PSD3: variants seen among roughly 807,000 people sequenced by gnomAD.
The protein encoded by PSD3 is pleckstrin and Sec7 domain containing 3.
PSD3 carries 49 observed loss-of-function variants against 105.5 expected under a neutral mutation model. The ratio of observed to expected loss-of-function variants is 0.46; its 90% CI spans 0.37 to 0.59. The LOEUF (loss-of-function observed/expected upper bound fraction) is 0.59, where lower values mean the gene tolerates loss of function less well. Among genes scored for constraint, PSD3 ranks in the 20% least tolerant of loss-of-function variants. PSD3 has a pLI of 0.00. For missense variants in PSD3, 1,561 were observed against 1,263.8 expected, an observed-to-expected ratio of 1.24 and a Z score of -3.57; for synonymous variants, 557 against 457.8, an observed-to-expected ratio of 1.22 and a Z score of -2.77.
chr8:18,813,049 G>C (rs916218699), intron 4 of PSD3, among the ~76,000 whole-genome samples: 3 of 152,174 alleles, frequency 2.0e-5, no homozygotes, highest in East Asian at 1.9e-4. Context: ...GTACAGTCAA[G>C]AGATGAGAAA....
chr8:18,910,552 G>T (rs1186802274), intron 2 of PSD3, among the ~76,000 whole-genome samples: 2 of 123,442 alleles, frequency 1.6e-5, no homozygotes, highest in African/African-American at 3.1e-5. Flanking sequence ...ACACATTAGT[G>T]GGTGCAGCGC....
intron 4 of PSD3, among the ~76,000 whole-genome samples, chr8:18,832,080 A>C (rs1813723679): frequency 6.6e-6 from 1 of 152,120 alleles, no homozygotes; most frequent in Admixed American, 6.5e-5. Flanking sequence ...TTTTATGTAC[A>C]TTCCTGTGTT....
At chr8:19,026,503 T>A (rs1051938973) in intron 1 of PSD3, among the ~76,000 whole-genome samples, 1 of 151,972 alleles carries the variant, frequency 6.6e-6, no homozygotes, top group African/African-American at 2.4e-5. Context: ...AACACTTTAT[T>A]TATATATTTA....
intron 1 of PSD3, among the ~76,000 whole-genome samples, chr8:19,068,222 C>G (rs1334378233): frequency 6.9e-6 from 1 of 143,904 alleles, no homozygotes; most frequent in African/African-American, 2.4e-5. Flanking sequence ...ATGGGGGAAG[C>G]TAAGGCTGAG....
chr8:18,880,770 C>A (rs959599100), intron 2 of PSD3, among the ~76,000 whole-genome samples: 1 of 152,184 alleles, frequency 6.6e-6, no homozygotes, highest in African/African-American at 2.4e-5. Flanking sequence ...TCCCCTCCAG[C>A]GAGCCTTCCT....
At chr8:18,908,311 T>C (rs1364959890) in intron 2 of PSD3, among the ~76,000 whole-genome samples, 1 of 152,170 alleles carries the variant, frequency 6.6e-6, no homozygotes, top group Non-Finnish European at 1.5e-5. Context: ...ATTTTTTGGA[T>C]TAATATTTAA....
intron 14 of PSD3, among the ~76,000 whole-genome samples, chr8:18,558,166 T>C (rs969941780): frequency 3.9e-5 from 6 of 152,214 alleles, no homozygotes; most frequent in African/African-American, 9.6e-5. Context: ...ACCCAATCTA[T>C]AGTGTTTTGT....
intron 15 of PSD3, among the ~76,000 whole-genome samples, chr8:18,536,332 C>G (rs574552893): frequency 7.9e-5 from 12 of 152,244 alleles, no homozygotes; most frequent in African/African-American, 2.9e-4. Context: ...TGGCTCTGTA[C>G]CAAAGTCACC....
At chr8:19,005,218 T>C (rs1826616619) in intron 1 of PSD3, among the ~76,000 whole-genome samples, 2 of 151,996 alleles carry the variant, frequency 1.3e-5, no homozygotes, top group Non-Finnish European at 2.9e-5. Context: ...GATGAACGGA[T>C]AAATAAAATG....
chr8:19,012,704 T>C (rs1827010178), intron 1 of PSD3, among the ~76,000 whole-genome samples: 2 of 152,224 alleles, frequency 1.3e-5, no homozygotes, highest in African/African-American at 4.8e-5. Flanking sequence ...CCTTTGCACA[T>C]ACTCAATTAC....
chr8:18,769,172 G>A (rs1203670541), intron 8 of PSD3, among the ~76,000 whole-genome samples: 1 of 152,176 alleles, frequency 6.6e-6, no homozygotes, highest in African/African-American at 2.4e-5. Flanking sequence ...GTTCTGGGGA[G>A]ATGAATAAAT....
intron 4 of PSD3, among the ~76,000 whole-genome samples, chr8:18,814,188 C>T (rs1205556096): frequency 6.6e-6 from 1 of 152,222 alleles, no homozygotes; most frequent in Non-Finnish European, 1.5e-5. Context: ...GCACAGAAGA[C>T]AAAATTCAGT....
At chr8:18,762,691 C>G (rs1806640756) in intron 9 of PSD3, among the ~76,000 whole-genome samples, 1 of 152,106 alleles carries the variant, frequency 6.6e-6, no homozygotes, top group Non-Finnish European at 1.5e-5. Context: ...GAATTTTAAA[C>G]TAAAAAAAGG....
rs1223776657 is a variant in PSD3 at position 19,084,312 on chromosome 8, G to T, written c.218C>A (p.Ala73Asp). Residue 73 changes from alanine (A) to aspartate (D), a missense_variant, in exon 1 of 2, where the codon GCC (alanine) becomes GAC (aspartate). Transcript: ENST00000521475. ...TGTCGCCTGCGCTGTGGTACCTGTGGCCTCCTTACAGCTCCTGGGGAGTAT... is the reference window on the plus strand; with the variant it reads ...TGTCGCCTGCGCTGTGGTACCTGTGTCCTCCTTACAGCTCCTGGGGAGTAT... 8.8e-6 allele frequency: 4 copies of T among 456,254 alleles called. No homozygotes were observed. The Admixed American group carries it at 9.4e-5, about 11-fold the overall frequency. 28.3% of individuals were successfully genotyped at this position (456,254 alleles called of 1,614,324 possible). A position where few individuals can be genotyped will look rare whatever the true frequency, so the allele number is the denominator to read the frequency against.
chr8:19,011,285 G>C (rs1046388043), intron 1 of PSD3, among the ~76,000 whole-genome samples: 1 of 152,014 alleles, frequency 6.6e-6, no homozygotes, highest in Non-Finnish European at 1.5e-5. Context: ...TCACCACACT[G>C]GTGTCTTAGT....
chr8:18,562,350 G>A (rs1461875879), intron 14 of PSD3, among the ~76,000 whole-genome samples: 1 of 152,220 alleles, frequency 6.6e-6, no homozygotes. Flanking sequence ...TCAGACAAAA[G>A]GACAGAGTGG....
At chr8:18,916,568 C>G (rs1225126785) in intron 2 of PSD3, among the ~76,000 whole-genome samples, 1 of 151,444 alleles carries the variant, frequency 6.6e-6, no homozygotes, top group African/African-American at 2.4e-5. Context: ...ATGGTGGTTA[C>G]CAGGGGCTAC....
intron 1 of PSD3, among the ~76,000 whole-genome samples, chr8:18,943,127 A>T (rs17384377): frequency 0.17 from 26,240 of 152,162 alleles, 2,929 homozygotes; most frequent in Non-Finnish European, 0.24. Context: ...CTGGGTATAG[A>T]GACAGGGTGG....
chr8:18,566,705 A>C (rs1790886460), intron 14 of PSD3, among the ~76,000 whole-genome samples: 1 of 152,190 alleles, frequency 6.6e-6, no homozygotes, highest in Admixed American at 6.5e-5. Context: ...ACCTTGTCTT[A>C]CATGATACTG....
Sources: gnomAD v4.1 joint callset for allele counts (sites outside exome capture counted in the v4.1 genomes callset) on GRCh38, gnomAD v4.1.1 for gene constraint, MANE v1.5 for transcripts, NCBI Gene and HGNC (gene_info 2026-07-23, HGNC 2026-07-21) for gene names.